Variants in TPRG1 observed in about 807,000 individuals in gnomAD.
The protein encoded by TPRG1 is tumor protein p63 regulated 1.
TPRG1 carries 29 observed loss-of-function variants against 29.3 expected under a neutral mutation model. That is an observed-to-expected ratio of 0.99 (90% confidence interval 0.74 to 1.35). The LOEUF (loss-of-function observed/expected upper bound fraction) is 1.35. Among genes scored for constraint, TPRG1 ranks in the 40% most tolerant of loss-of-function variants. TPRG1 has a pLI of 0.00. For synonymous variants in TPRG1, 130 were observed against 116.8 expected, an observed-to-expected ratio of 1.11 and a Z score of -0.73; for missense variants, 327 against 335.0, an observed-to-expected ratio of 0.98 and a Z score of 0.19.
At chr3:189,123,935 A>G (rs1228311853) in intron 1 of TPRG1, among the ~76,000 whole-genome samples, 1 of 152,150 alleles carries the variant, frequency 6.6e-6, no homozygotes, top group Non-Finnish European at 1.5e-5. Context: ...AAGGCTGGCA[A>G]CTCACCTATT....
chr3:189,231,562 A>C (rs753471692), intron 3 of TPRG1, among the ~76,000 whole-genome samples: 15 of 152,132 alleles, frequency 9.9e-5, no homozygotes, highest in Non-Finnish European at 1.5e-4. Context: ...AATTCTCCGT[A>C]TGTCATATCT....
chr3:189,089,303 G>A (rs1718183491), intron 4 of TPRG1, among the ~76,000 whole-genome samples: 1 of 151,972 alleles, frequency 6.6e-6, no homozygotes, highest in African/African-American at 2.4e-5. Flanking sequence ...CTGACTACTG[G>A]CTATTCTGGT....
intron 4 of TPRG1, among the ~76,000 whole-genome samples, chr3:189,094,963 G>A (rs549816530): frequency 1.4e-4 from 21 of 152,246 alleles, no homozygotes; most frequent in South Asian, 6.2e-4. Context: ...GTTTTACAGA[G>A]GCACTCTCCG....
At chr3:189,146,968 CATT>C (rs1462059295) in intron 3 of TPRG1, among the ~76,000 whole-genome samples, 1 of 152,190 alleles carries the variant, frequency 6.6e-6, no homozygotes, top group African/African-American at 2.4e-5. Context: ...CCTGCCTTAT[CATT>C]TAATCTGCAC....
chr3:189,210,152 G>A (rs1735039125), intron 2 of TPRG1, among the ~76,000 whole-genome samples: 1 of 152,062 alleles, frequency 6.6e-6, no homozygotes, highest in Admixed American at 6.6e-5. Flanking sequence ...GGTATTGGAT[G>A]TATATGCATA....
At chr3:189,203,870 T>C (rs1418010335) in intron 1 of TPRG1, among the ~76,000 whole-genome samples, 1 of 151,890 alleles carries the variant, frequency 6.6e-6, no homozygotes, top group Admixed American at 6.6e-5. Flanking sequence ...TGAAACTCTG[T>C]CTCTACCAAA....
At chr3:189,049,555 C>T (rs1715184929) in intron 4 of TPRG1, among the ~76,000 whole-genome samples, 1 of 152,168 alleles carries the variant, frequency 6.6e-6, no homozygotes, top group South Asian at 2.1e-4. Context: ...ACGGTCCTTC[C>T]CTATCCACAC....
intron 4 of TPRG1, among the ~76,000 whole-genome samples, chr3:189,055,944 C>T (rs1423779491): frequency 1.3e-5 from 2 of 151,998 alleles, no homozygotes; most frequent in African/African-American, 4.8e-5. Context: ...GTGGCCCTCT[C>T]TTCCCTGTCC....
At chr3:189,236,270 A>G (rs1442724908) in intron 3 of TPRG1, among the ~76,000 whole-genome samples, 2 of 152,210 alleles carry the variant, frequency 1.3e-5, no homozygotes, top group African/African-American at 4.8e-5. Context: ...TTTAAAATAC[A>G]TCTCATTATG....
intron 1 of TPRG1, among the ~76,000 whole-genome samples, chr3:189,113,623 T>C (rs1395987066): frequency 2.0e-5 from 3 of 152,174 alleles, no homozygotes; most frequent in Non-Finnish European, 4.4e-5. Context: ...TTTCTGCATC[T>C]ATTGAGATAA....
chr3:189,213,942 C>T (rs890059061), intron 2 of TPRG1, among the ~76,000 whole-genome samples: 3 of 151,886 alleles, frequency 2.0e-5, no homozygotes, highest in Non-Finnish European at 2.9e-5. Context: ...GAGATGTTTG[C>T]GGTTTTTTTC....
At chr3:189,281,391 T>C (rs2109138164) in intron 4 of TPRG1, among the ~76,000 whole-genome samples, 1 of 152,282 alleles carries the variant, frequency 6.6e-6, no homozygotes, top group South Asian at 2.1e-4. Context: ...TATGTGAAAC[T>C]TCGTACACCT....
chr3:189,096,825 C>T (rs1453875762), upstream of TPRG1, among the ~76,000 whole-genome samples: 1 of 152,128 alleles, frequency 6.6e-6, no homozygotes, highest in Non-Finnish European at 1.5e-5. Flanking sequence ...GAAAATTCTG[C>T]CTTATACAGA....
At position 189,217,095 on chromosome 3, in the gene TPRG1, G is replaced by A. The variant is rs187519525; in HGVS notation, c.302+1712G>A. On this transcript the variant is annotated intron_variant, in intron 3 of 5. Transcript: ENST00000345063. ...AGAAATATGCTTTTTTTGTTTGCTT[G>A]ATTATTTTTATTCAGTGATTATAAA... 7.6e-4 allele frequency among the ~76,000 whole-genome samples: 115 copies of A among 152,110 alleles called. 2 individuals carry two copies. The highest frequency in any genetic ancestry group is 2.7e-3 in the African/African-American group (111 of 41,502).
chr3:189,287,815 T>C (rs901930548), intron 4 of TPRG1, among the ~76,000 whole-genome samples: 1 of 152,178 alleles, frequency 6.6e-6, no homozygotes, highest in Non-Finnish European at 1.5e-5. Flanking sequence ...AAAACTCAAA[T>C]GTGTTTATTT....
intron 4 of TPRG1, among the ~76,000 whole-genome samples, chr3:189,285,417 G>A (rs1435604841): frequency 6.6e-6 from 1 of 152,164 alleles, no homozygotes; most frequent in Non-Finnish European, 1.5e-5. Flanking sequence ...AGGGCCCTTT[G>A]AGGACATCTT....
At chr3:189,294,231 A>T (rs1379763988) in intron 4 of TPRG1, among the ~76,000 whole-genome samples, 1 of 152,162 alleles carries the variant, frequency 6.6e-6, no homozygotes, top group Non-Finnish European at 1.5e-5. Flanking sequence ...GATAAAAGGG[A>T]AGAGATCAGG....
At chr3:189,263,688 T>C (rs925994584) in intron 4 of TPRG1, among the ~76,000 whole-genome samples, 2 of 152,236 alleles carry the variant, frequency 1.3e-5, no homozygotes, top group African/African-American at 4.8e-5. Flanking sequence ...TTACTTATTG[T>C]GTAATGAGAT....
intron 3 of TPRG1, among the ~76,000 whole-genome samples, chr3:189,233,963 C>T (rs910538571): frequency 4.6e-5 from 7 of 152,118 alleles, no homozygotes; most frequent in African/African-American, 1.2e-4. Context: ...CTCAAACTCC[C>T]GGACTGAAGT....
Sources: gnomAD v4.1 joint callset for allele counts (sites outside exome capture counted in the v4.1 genomes callset) on GRCh38, gnomAD v4.1.1 for gene constraint, MANE v1.5 for transcripts, NCBI Gene and HGNC (gene_info 2026-07-23, HGNC 2026-07-21) for gene names.